CERS3: variants seen among roughly 807,000 people sequenced by gnomAD.
The protein encoded by CERS3 is ceramide synthase 3.
In CERS3, 33 loss-of-function variants were observed where a neutral mutation model predicts 50.3. The observed-to-expected ratio is 0.66, with a 90% CI of 0.50 to 0.88. The LOEUF (loss-of-function observed/expected upper bound fraction) is 0.88, where lower values mean the gene tolerates loss of function less well. CERS3 is among the 40% of genes least tolerant of loss of function. The pLI, the probability that CERS3 is intolerant of heterozygous loss-of-function variation, is 0.00. For missense variants in CERS3, 470 were observed against 460.3 expected, an observed-to-expected ratio of 1.02 and a Z score of -0.19; for synonymous variants, 176 against 155.2, an observed-to-expected ratio of 1.13 and a Z score of -0.99.
chr15:100,466,488 T>C (rs1275339768), intron 10 of CERS3, among the ~76,000 whole-genome samples: 1 of 152,154 alleles, frequency 6.6e-6, no homozygotes, highest in Non-Finnish European at 1.5e-5. Flanking sequence ...TTTAGTGACC[T>C]GGTTCCAATA....
intron 2 of CERS3, among the ~76,000 whole-genome samples, chr15:100,517,194 A>G (rs1019296743): frequency 6.6e-6 from 1 of 152,258 alleles, no homozygotes; most frequent in Admixed American, 6.5e-5. Context: ...GTTCTAGATC[A>G]GGATTAAATA....
In CERS3 at chr15:100,473,045, A is replaced by G. The variant is rs773425420; in HGVS notation, c.617T>C (p.Leu206Pro). 3.1e-6 allele frequency: 5 copies of G among 1,612,668 alleles called. No homozygotes were observed. The highest frequency in any genetic ancestry group is 4.2e-6 in the Non-Finnish European group (5 of 1,179,610). Residue 206 changes from leucine to proline, a missense_variant, in exon 9 of 12, where the codon CTA (leucine) becomes CCA (proline). Transcript: ENST00000679737. ...AGCCAGGTGGTGGATGATATGAGCT[A>G]GAAAATCCTGTAAGATGAGGGAAAA... ...LGFDVKRKDF[L>P]AHIIHHLAAI...
intron 11 of CERS3, among the ~76,000 whole-genome samples, chr15:100,405,345 T>C (rs1384788021): frequency 2.0e-5 from 3 of 151,730 alleles, no homozygotes; most frequent in Non-Finnish European, 4.4e-5. Flanking sequence ...TATGAAAGGA[T>C]GTTCAACACC....
chr15:100,510,820 C>A (rs926591523), intron 2 of CERS3, among the ~76,000 whole-genome samples: 2 of 152,176 alleles, frequency 1.3e-5, no homozygotes, highest in Non-Finnish European at 2.9e-5. Context: ...CTGTTACATG[C>A]AAGAGAAATG....
chr15:100,506,935 G>T (rs951530043), intron 2 of CERS3, among the ~76,000 whole-genome samples: 3 of 152,124 alleles, frequency 2.0e-5, no homozygotes, highest in African/African-American at 7.2e-5. Flanking sequence ...GAATTGCATG[G>T]TATGTAAATT....
intron 5 of CERS3, 25 bp downstream of exon 5, chr15:100,484,525 C>T (rs1389921033): frequency 1.3e-6 from 2 of 1,496,654 alleles, no homozygotes; most frequent in Non-Finnish European, 1.9e-6. Flanking sequence ...GGCAGCATTC[C>T]TAAAGCTTGG....
intron 6 of CERS3, 139 bp from the exon 7 acceptor site, chr15:100,479,617 A>G (rs2035239465): frequency 3.2e-6 from 2 of 627,712 alleles, no homozygotes; most frequent in East Asian, 2.7e-5. Flanking sequence ...GACCTTTGCC[A>G]TATTCTTTTG....
chr15:100,417,273 G>T (rs929673443), intron 11 of CERS3, among the ~76,000 whole-genome samples: 6 of 152,008 alleles, frequency 3.9e-5, no homozygotes, highest in African/African-American at 1.4e-4. Flanking sequence ...CACTTGGGAA[G>T]AGCAAGGGGT....
At chr15:100,471,163 G>A (rs1415340710) in intron 9 of CERS3, among the ~76,000 whole-genome samples, 2 of 152,134 alleles carry the variant, frequency 1.3e-5, no homozygotes, top group Non-Finnish European at 2.9e-5. Context: ...TCAATCATTA[G>A]CAATATGAAG....
chr15:100,492,171 C>T (rs1175076261), intron 3 of CERS3, among the ~76,000 whole-genome samples: 1 of 152,098 alleles, frequency 6.6e-6, no homozygotes, highest in Non-Finnish European at 1.5e-5. Context: ...AATGTGTATT[C>T]TGGTGTTGTT....
intron 2 of CERS3, among the ~76,000 whole-genome samples, chr15:100,515,965 G>A (rs1409538571): frequency 6.6e-6 from 1 of 152,160 alleles, no homozygotes; most frequent in Non-Finnish European, 1.5e-5. Context: ...AAATTACCCT[G>A]TTATTAGTGT....
intron 11 of CERS3, among the ~76,000 whole-genome samples, chr15:100,448,425 A>G (rs1366928147): frequency 1.3e-5 from 2 of 152,238 alleles, no homozygotes; most frequent in African/African-American, 4.8e-5. Context: ...AGATCTCAGT[A>G]GTCCACATTC....
At chr15:100,513,968 C>T (rs1317452175) in intron 2 of CERS3, among the ~76,000 whole-genome samples, 1 of 152,160 alleles carries the variant, frequency 6.6e-6, no homozygotes, top group Non-Finnish European at 1.5e-5. Flanking sequence ...GGTTCCATAA[C>T]CTGGCATACA....
rs1400248225 is a variant in CERS3 at position 100,402,117 on chromosome 15, AC to A, written c.*595del. 6 of 152,478 alleles carry A rather than the reference AC, an allele frequency of 3.9e-5. No homozygotes were observed. Among genetic ancestry groups the A allele is most frequent in the African/African-American group, 1.4e-4 (6 of 41,460 alleles). 9.4% of individuals were successfully genotyped at this position (152,478 alleles called of 1,614,324 possible). A position where few individuals can be genotyped will look rare whatever the true frequency, so the allele number is the denominator to read the frequency against. On this transcript the variant is annotated 3_prime_UTR_variant, in exon 12 of 12. Transcript: ENST00000679737. Reference sequence around the variant, plus strand: ...AAGTGGGTTGGTTCACGATGACCCCACGGTTGACAGTGTGTACTTAAACTTC... The same window carrying A: ...AAGTGGGTTGGTTCACGATGACCCCAGGTTGACAGTGTGTACTTAAACTTC...
At chr15:100,452,858 A>G (rs988641982) in intron 11 of CERS3, among the ~76,000 whole-genome samples, 19 of 152,158 alleles carry the variant, frequency 1.2e-4, no homozygotes, top group African/African-American at 3.9e-4. Context: ...ATCAGAAACT[A>G]TAGTGAATAA....
intron 9 of CERS3, among the ~76,000 whole-genome samples, chr15:100,470,401 T>C (rs1169343015): frequency 6.6e-6 from 1 of 152,192 alleles, no homozygotes; most frequent in African/African-American, 2.4e-5. Flanking sequence ...GGTGAGAATA[T>C]GGCCTGACTG....
At chr15:100,487,795 A>C (rs965043514) in intron 4 of CERS3, among the ~76,000 whole-genome samples, 19 of 152,198 alleles carry the variant, frequency 1.2e-4, no homozygotes, top group South Asian at 2.1e-4. Context: ...AAAATGTTTG[A>C]ATCTATGAAT....
chr15:100,435,584 C>G (rs1414091159), intron 11 of CERS3, among the ~76,000 whole-genome samples: 2 of 152,158 alleles, frequency 1.3e-5, no homozygotes, highest in African/African-American at 2.4e-5. Context: ...ATGACTAAAA[C>G]ACCAAAAGCA....
upstream of CERS3, among the ~76,000 whole-genome samples, chr15:100,532,784 G>T (rs1226054018): frequency 1.3e-5 from 2 of 152,148 alleles, no homozygotes; most frequent in African/African-American, 4.8e-5. Flanking sequence ...GTGTGGAAAA[G>T]CTCCTGTTGG....
Sources: gnomAD v4.1 joint callset for allele counts (sites outside exome capture counted in the v4.1 genomes callset) on GRCh38, gnomAD v4.1.1 for gene constraint, MANE v1.5 for transcripts, NCBI Gene and HGNC (gene_info 2026-07-23, HGNC 2026-07-21) for gene names.